SLC35F2: variants seen among roughly 807,000 people sequenced by gnomAD.
SLC35F2 encodes the protein solute carrier family 35 member F2.
SLC35F2 carries 25 observed loss-of-function variants against 38.1 expected under a neutral mutation model. The observed-to-expected ratio is 0.66, with a 90% confidence interval of 0.48 to 0.92. The LOEUF is 0.92. SLC35F2 is among the 40% of genes least tolerant of loss of function. SLC35F2 has a pLI of 0.00. For synonymous variants in SLC35F2, 173 were observed against 181.7 expected (o/e 0.95, Z 0.38); for missense variants, 409 against 452.9 (o/e 0.90, Z 0.88).
chr11:107,823,382 G>A (rs1859705474), intron 1 of SLC35F2, among the ~76,000 whole-genome samples: 1 of 152,106 alleles, frequency 6.6e-6, no homozygotes, highest in Non-Finnish European at 1.5e-5. Flanking sequence ...TCAGCTAAAG[G>A]CAGGATTTCA....
chr11:107,832,079 C>T (rs1219068504), intron 1 of SLC35F2, among the ~76,000 whole-genome samples: 1 of 151,892 alleles, frequency 6.6e-6, no homozygotes, highest in African/African-American at 2.4e-5. Context: ...TGTTATACTG[C>T]ATTTCTTAGA....
chr11:107,826,084 T>C (rs1387651886), intron 1 of SLC35F2, among the ~76,000 whole-genome samples: 5 of 152,044 alleles, frequency 3.3e-5, no homozygotes, highest in African/African-American at 1.2e-4. Context: ...TGTCTAACAA[T>C]GGGAGACTAG....
intron 1 of SLC35F2, among the ~76,000 whole-genome samples, chr11:107,852,519 C>T (rs1156755194): frequency 6.8e-6 from 1 of 146,954 alleles, no homozygotes; most frequent in Non-Finnish European, 1.5e-5. Flanking sequence ...CTACTGCATT[C>T]CAGCTGGAGC....
At chr11:107,829,760 C>T (rs1402176865) in intron 1 of SLC35F2, among the ~76,000 whole-genome samples, 1 of 150,092 alleles carries the variant, frequency 6.7e-6, no homozygotes, top group Admixed American at 6.6e-5. Flanking sequence ...GGTCTATGAA[C>T]TTCAGTAGAA....
At chr11:107,794,384 T>G (rs992236427) in intron 7 of SLC35F2, among the ~76,000 whole-genome samples, 11 of 152,240 alleles carry the variant, frequency 7.2e-5, no homozygotes, top group African/African-American at 2.6e-4. Flanking sequence ...TGGCCATCAG[T>G]ATGTATGTTT....
At chr11:107,818,124 G>GAAAGAA (rs1859613422) in intron 1 of SLC35F2, among the ~76,000 whole-genome samples, 1 of 139,462 alleles carries the variant, frequency 7.2e-6, no homozygotes, top group African/African-American at 2.7e-5. Context: ...AAGAAAGAAA[G>GAAAGAA]AAAGAAAGAA....
intron 1 of SLC35F2, among the ~76,000 whole-genome samples, chr11:107,844,390 G>C (rs191829649): frequency 3.3e-5 from 5 of 152,238 alleles, no homozygotes; most frequent in Admixed American, 3.3e-4. Flanking sequence ...CACTTTGGGA[G>C]GCCGAGGCAG....
At chr11:107,849,641 GAAAA>G (rs59636290) in intron 1 of SLC35F2, among the ~76,000 whole-genome samples, 13 of 138,566 alleles carry the variant, frequency 9.4e-5, no homozygotes, top group East Asian at 2.1e-4. Context: ...TCCGTTTTGG[GAAAA>G]AAAAAAAAAA....
At chr11:107,843,889 A>ATG in intron 1 of SLC35F2, among the ~76,000 whole-genome samples, 1 of 112,932 alleles carries the variant, frequency 8.9e-6, no homozygotes, top group East Asian at 2.3e-4. Context: ...ATATATATAT[A>ATG]TATATATATA....
intron 5 of SLC35F2, chr11:107,805,018 T>C (rs985123153): frequency 6.1e-6 from 6 of 980,794 alleles, no homozygotes; most frequent in Non-Finnish European, 7.3e-6. Flanking sequence ...AAATATGATA[T>C]TATGCTTTGT....
At chr11:107,802,266 A>G (rs1859321558) in intron 7 of SLC35F2, among the ~76,000 whole-genome samples, 1 of 144,256 alleles carries the variant, frequency 6.9e-6, no homozygotes, top group Non-Finnish European at 1.5e-5. Context: ...ATAAAATAAA[A>G]TAAATAAAAT....
At chr11:107,793,718 A>G (rs1189790593) in intron 7 of SLC35F2, among the ~76,000 whole-genome samples, 1 of 152,222 alleles carries the variant, frequency 6.6e-6, no homozygotes, top group Non-Finnish European at 1.5e-5. Flanking sequence ...TCCAAAGCCC[A>G]AAGAGGTGAC....
chr11:107,796,493 A>G (rs1341561415), intron 7 of SLC35F2, among the ~76,000 whole-genome samples: 3 of 152,254 alleles, frequency 2.0e-5, no homozygotes, highest in African/African-American at 7.2e-5. Flanking sequence ...ATGGAACTAG[A>G]GGTCATTATG....
chr11:107,842,287 T>TAAAAAAAAAAAAAAAAAAAAA (rs1292690214), intron 1 of SLC35F2, among the ~76,000 whole-genome samples: 4 of 71,180 alleles, frequency 5.6e-5, no homozygotes, highest in East Asian at 4.5e-4. Flanking sequence ...AAAAAAAAAT[T>TAAAAAAAAAAAAAAAAAAAAA]AAAGCTTGAC....
intron 1 of SLC35F2, chr11:107,816,387 T>C (rs1591193332): frequency 1.7e-6 from 1 of 592,036 alleles, no homozygotes; most frequent in Non-Finnish European, 2.1e-6. Flanking sequence ...ACTCAAGCAA[T>C]CCTCCCACTT....
In SLC35F2 at chr11:107,809,562, G is replaced by C. The variant is rs1346707678; in HGVS notation, c.414+2105C>G. 2.1e-5 allele frequency: 8 copies of C among 385,520 alleles called. No individual in the cohort carries two copies. In the South Asian group the frequency reaches 5.3e-4, roughly 26 times the overall value. 23.9% of individuals were successfully genotyped at this position (385,520 alleles called of 1,614,324 possible). Reference sequence around the variant, plus strand: ...CAGGAGAATCACTTGAACCTGGGAGGCGGAGGCTGCAGTGAGCCAAGATCA... The same window carrying C: ...CAGGAGAATCACTTGAACCTGGGAGCCGGAGGCTGCAGTGAGCCAAGATCA... On this transcript the variant is annotated intron_variant, in intron 3 of 7. Transcript: ENST00000525815.
chr11:107,825,439 G>A (rs1320426183), intron 1 of SLC35F2, among the ~76,000 whole-genome samples: 2 of 146,560 alleles, frequency 1.4e-5, no homozygotes, highest in East Asian at 2.0e-4. Context: ...TGGCACGATC[G>A]CGGCTCACCG....
At chr11:107,818,133 A>AAAGAAAGAAAGG (rs1491442021) in intron 1 of SLC35F2, among the ~76,000 whole-genome samples, 1 of 147,752 alleles carries the variant, frequency 6.8e-6, no homozygotes, top group Non-Finnish European at 1.5e-5. Context: ...AGAAAGAAAG[A>AAAGAAAGAAAGG]AAAAGAAACA....
intron 1 of SLC35F2, among the ~76,000 whole-genome samples, chr11:107,850,514 A>G (rs1860162790): frequency 6.6e-6 from 1 of 152,106 alleles, no homozygotes; most frequent in South Asian, 2.1e-4. Context: ...ATCTTACAGA[A>G]CAGCCCCAAC....
Sources: gnomAD v4.1 joint callset for allele counts (sites outside exome capture counted in the v4.1 genomes callset) on GRCh38, gnomAD v4.1.1 for gene constraint, MANE v1.5 for transcripts, NCBI Gene and HGNC (gene_info 2026-07-23, HGNC 2026-07-21) for gene names.